Variants in PTPRD observed in about 807,000 individuals in gnomAD.
PTPRD encodes the protein protein tyrosine phosphatase receptor type D.
A neutral mutation model predicts 214.5 loss-of-function variants in PTPRD; 34 were observed. The ratio of observed to expected loss-of-function variants is 0.16; its 90% confidence interval spans 0.12 to 0.21. The LOEUF is 0.21. Ranked by LOEUF, PTPRD falls within the 10% of genes least tolerant of loss-of-function variation. The pLI is 1.00. For synonymous variants in PTPRD, 1,128 were observed against 845.7 expected, an observed-to-expected ratio of 1.33 and a Z score of -5.79; for missense variants, 2,545 against 2,398.7, an observed-to-expected ratio of 1.06 and a Z score of -1.27.
chr9:8,561,570 TCCAGCAGCAGGC>T (rs1020918246), intron 14 of PTPRD, among the ~76,000 whole-genome samples: 1 of 152,038 alleles, frequency 6.6e-6, no homozygotes, highest in African/African-American at 2.4e-5. Context: ...GCTGACTGCC[TCCAGCAGCAGGC>T]CCAGGGCTGA....
chr9:10,232,875 A>T (rs1045749837), intron 3 of PTPRD, among the ~76,000 whole-genome samples: 4 of 152,034 alleles, frequency 2.6e-5, no homozygotes, highest in African/African-American at 9.6e-5. Flanking sequence ...ACTATGCCAT[A>T]CGTTTTATGT....
intron 11 of PTPRD, among the ~76,000 whole-genome samples, chr9:8,780,087 G>C (rs1249498262): frequency 6.6e-6 from 1 of 150,950 alleles, no homozygotes; most frequent in Non-Finnish European, 1.5e-5. Flanking sequence ...TATCTGTAAA[G>C]GATCTCCCTT....
chr9:9,019,306 A>G (rs2099551417), intron 10 of PTPRD, among the ~76,000 whole-genome samples: 1 of 95,058 alleles, frequency 1.1e-5, no homozygotes, highest in African/African-American at 4.5e-5. Flanking sequence ...GAAAGAAAGA[A>G]AGAAAGAAAG....
chr9:9,380,625 T>G (rs923331146), intron 9 of PTPRD, among the ~76,000 whole-genome samples: 15 of 152,306 alleles, frequency 9.8e-5, no homozygotes, highest in Middle Eastern at 3.4e-3. Flanking sequence ...TTAGTAAATG[T>G]TCCATGTGAG....
At chr9:9,167,381 T>A in intron 10 of PTPRD, among the ~76,000 whole-genome samples, 1 of 151,112 alleles carries the variant, frequency 6.6e-6, no homozygotes, top group Non-Finnish European at 1.5e-5. Flanking sequence ...TTGCTAATGA[T>A]GACAAAATAA....
intron 11 of PTPRD, among the ~76,000 whole-genome samples, chr9:8,872,840 T>A (rs1231194895): frequency 6.6e-6 from 1 of 152,174 alleles, no homozygotes; most frequent in African/African-American, 2.4e-5. Context: ...TTGGAGGAGT[T>A]AAGCAAGTAC....
At chr9:9,905,777 T>C (rs1356482486) in intron 5 of PTPRD, among the ~76,000 whole-genome samples, 1 of 151,870 alleles carries the variant, frequency 6.6e-6, no homozygotes, top group African/African-American at 2.4e-5. Context: ...AGACAAAGAA[T>C]ATAGACATTA....
At chr9:8,558,417 C>T (rs2084845066) in intron 14 of PTPRD, among the ~76,000 whole-genome samples, 2 of 152,142 alleles carry the variant, frequency 1.3e-5, no homozygotes, top group Non-Finnish European at 2.9e-5. Context: ...GGATGTGGTA[C>T]CAACAAGGCA....
In PTPRD at chr9:9,700,515, A is replaced by G. The variant is rs1215968851; in HGVS notation, c.-287+34018T>C. On this transcript the variant is annotated intron_variant, in intron 7 of 45. Transcript: ENST00000381196. ...AAATCTGACTTGTTTTTAAAACATT[A>G]TATGTTTGTAGAGAAATGAGATAAT... Among the ~76,000 whole-genome samples, 5 of 152,226 alleles carry G rather than the reference A, an allele frequency of 3.3e-5. No homozygotes were observed. In the East Asian group the frequency reaches 9.6e-4, roughly 29 times the overall value.
At chr9:8,318,896 C>A (rs943775243) in intron 45 of PTPRD, among the ~76,000 whole-genome samples, 1 of 151,968 alleles carries the variant, frequency 6.6e-6, no homozygotes, top group East Asian at 1.9e-4. Flanking sequence ...AGTGGCCAAT[C>A]GGGCTGAAAG....
chr9:9,188,024 C>T (rs1349183350), intron 9 of PTPRD, among the ~76,000 whole-genome samples: 1 of 152,068 alleles, frequency 6.6e-6, no homozygotes, highest in African/African-American at 2.4e-5. Context: ...AGATATAGCA[C>T]ATTTCCAGTA....
rs1387108131 is a variant in PTPRD, at chr9:9,008,219, T to TTATTTATTTATTTATA, written c.-104+10477_-104+10478insTATAAATAAATAAATA. ...TCTCCCCTTCATTTTATTTATTTAT[T>TTATTTATTTATTTATA]TATTTATTTATTTATTTATTTATTT... On this transcript the variant is annotated intron_variant, in intron 11 of 45. Coordinates refer to ENST00000381196, the MANE Select transcript of PTPRD (RefSeq NM_002839.4). Among the ~76,000 whole-genome samples the TTATTTATTTATTTATA allele has an allele frequency of 2.1e-5, 3 of 143,474 alleles. 1 individual carries two copies. Among genetic ancestry groups the TTATTTATTTATTTATA allele is most frequent in the African/African-American group, 7.6e-5 (3 of 39,256 alleles). The allele number at this position is 143,474 out of a possible 152,430, so 94.1% of individuals were successfully genotyped here.
At chr9:9,363,388 G>C (rs1383526448) in intron 9 of PTPRD, among the ~76,000 whole-genome samples, 1 of 151,090 alleles carries the variant, frequency 6.6e-6, no homozygotes, top group African/African-American at 2.4e-5. Flanking sequence ...TCTCATACTA[G>C]GAGATCTGAA....
intron 3 of PTPRD, among the ~76,000 whole-genome samples, chr9:10,044,871 C>T (rs978461883): frequency 6.6e-6 from 1 of 151,718 alleles, no homozygotes; most frequent in Non-Finnish European, 1.5e-5. Flanking sequence ...ATCCATTACA[C>T]TGACATTTTG....
intron 2 of PTPRD, among the ~76,000 whole-genome samples, chr9:10,477,901 T>G (rs199559978): frequency 2.0e-5 from 3 of 151,852 alleles, no homozygotes; most frequent in South Asian, 2.1e-4. Flanking sequence ...AACACTGCAT[T>G]TTCTCACTCA....
rs75252946 is a variant in PTPRD at position 8,926,277 on chromosome 9, G to A, written c.-104+92420C>T. Among the ~76,000 whole-genome samples, 787 of 152,120 alleles carry A rather than the reference G, an allele frequency of 5.2e-3. 7 individuals are homozygous for A. Among genetic ancestry groups the A allele is most frequent in the African/African-American group, 0.018 (758 of 41,476 alleles). On this transcript the variant is annotated intron_variant, in intron 11 of 45. Transcript: ENST00000381196. ...TTACCACCTCTGGGAAGCCTTCCTT[G>A]ATCAACCCAATCTGTATAGGTTGCC...
chr9:9,424,141 G>C (rs2079901160), intron 8 of PTPRD, among the ~76,000 whole-genome samples: 1 of 152,218 alleles, frequency 6.6e-6, no homozygotes, highest in African/African-American at 2.4e-5. Context: ...TGGACCACTT[G>C]AAGGGACATC....
intron 3 of PTPRD, among the ~76,000 whole-genome samples, chr9:10,184,756 C>G (rs1204123762): frequency 1.3e-5 from 2 of 152,144 alleles, no homozygotes; most frequent in Admixed American, 1.3e-4. Flanking sequence ...TAAGCAATAT[C>G]TCTTGAGTCA....
chr9:9,203,955 TAC>T (rs2099943347), intron 9 of PTPRD, among the ~76,000 whole-genome samples: 2 of 152,188 alleles, frequency 1.3e-5, no homozygotes, highest in African/African-American at 4.8e-5. Flanking sequence ...TCTTAAAATT[TAC>T]AGTTTAGGTA....
Sources: allele counts gnomAD v4.1 joint callset (sites outside exome capture counted in the v4.1 genomes callset), GRCh38; gene constraint gnomAD v4.1.1; transcripts MANE v1.5; gene names NCBI Gene and HGNC (gene_info 2026-07-23, HGNC 2026-07-21).